The following KHDRBS2 variants were observed in gnomAD, a reference collection of about 807,000 sequenced individuals.
KHDRBS2 encodes KH domain-containing, RNA-binding, signal transduction-associated protein 2.
Under a neutral mutation model 44.3 loss-of-function variants are expected in KHDRBS2, and 26 were observed. The ratio of observed to expected loss-of-function variants is 0.59; its 90% CI spans 0.43 to 0.81. The LOEUF (loss-of-function observed/expected upper bound fraction) is 0.81, where lower values mean the gene tolerates loss of function less well. KHDRBS2 is among the 40% of genes least tolerant of loss of function. KHDRBS2 has a pLI of 0.00. For missense variants in KHDRBS2, 476 were observed against 433.1 expected (o/e 1.10, Z -0.88); for synonymous variants, 194 against 151.1 (o/e 1.28, Z -2.08).
At chr6:62,158,512 C>T (rs208993) in intron 2 of KHDRBS2, among the ~76,000 whole-genome samples, 26,067 of 151,876 alleles carry the variant, frequency 0.17, 2,549 homozygotes, top group African/African-American at 0.27. Flanking sequence ...TTTTATTTTC[C>T]CATTATATTA....
intron 8 of KHDRBS2, among the ~76,000 whole-genome samples, chr6:61,682,099 G>A (rs1376169833): frequency 1.3e-5 from 2 of 151,884 alleles, no homozygotes; most frequent in Non-Finnish European, 2.9e-5. Context: ...TGCAGATTGA[G>A]GGCAACTAAT....
At chr6:61,838,976 C>T (rs1283820885) in intron 6 of KHDRBS2, among the ~76,000 whole-genome samples, 1 of 152,006 alleles carries the variant, frequency 6.6e-6, no homozygotes, top group African/African-American at 2.4e-5. Flanking sequence ...TCATTACTCA[C>T]CACTCTCCTC....
At chr6:61,665,172 T>G in the KHDRBS2 span, among the ~76,000 whole-genome samples, 1 of 151,544 alleles carries the variant, frequency 6.6e-6, no homozygotes, top group East Asian at 1.9e-4. Context: ...GTTTCTCCAG[T>G]TATTTTATAG....
At chr6:62,236,619 T>G (rs1173952615) in intron 1 of KHDRBS2, among the ~76,000 whole-genome samples, 1 of 152,072 alleles carries the variant, frequency 6.6e-6, no homozygotes, top group African/African-American at 2.4e-5. Flanking sequence ...TCACATTAGC[T>G]TTTGTTCTCT....
chr6:61,822,389 T>C (rs1040003318), intron 6 of KHDRBS2, among the ~76,000 whole-genome samples: 3 of 152,004 alleles, frequency 2.0e-5, no homozygotes, highest in African/African-American at 7.2e-5. Context: ...CTTTATTCTC[T>C]AAATATTTCA....
chr6:62,102,568 T>G (rs1278900759), intron 2 of KHDRBS2, among the ~76,000 whole-genome samples: 3 of 152,210 alleles, frequency 2.0e-5, no homozygotes, highest in Non-Finnish European at 4.4e-5. Context: ...AAATGTGTGT[T>G]TCGGCCCGTT....
At chr6:61,852,689 A>C (rs151021792) in intron 6 of KHDRBS2, among the ~76,000 whole-genome samples, 1,644 of 152,280 alleles carry the variant, frequency 0.011, 26 homozygotes, top group African/African-American at 0.037. Flanking sequence ...AGGATTTATA[A>C]GGCTATCTTT....
At chr6:61,964,054 T>C (rs1394725364) in intron 4 of KHDRBS2, among the ~76,000 whole-genome samples, 1 of 152,042 alleles carries the variant, frequency 6.6e-6, no homozygotes, top group African/African-American at 2.4e-5. Context: ...TAAAGACATG[T>C]ACTTCTTTTC....
chr6:62,010,863 A>C (rs974878595), intron 3 of KHDRBS2, among the ~76,000 whole-genome samples: 3 of 152,210 alleles, frequency 2.0e-5, no homozygotes, highest in African/African-American at 7.2e-5. Flanking sequence ...TACTTTTTAA[A>C]AATTCACCTT....
At chr6:61,662,724 G>A in the KHDRBS2 span, among the ~76,000 whole-genome samples, 1 of 151,772 alleles carries the variant, frequency 6.6e-6, no homozygotes, top group Non-Finnish European at 1.5e-5. Context: ...CAGTTAGAAT[G>A]GCGATCATTA....
intron 7 of KHDRBS2, among the ~76,000 whole-genome samples, chr6:61,706,069 A>C (rs59671219): frequency 0.032 from 4,837 of 151,850 alleles, 251 homozygotes; most frequent in African/African-American, 0.11. Context: ...GAAGTATTGG[A>C]ACTTCTGTGC....
the KHDRBS2 span, among the ~76,000 whole-genome samples, chr6:61,597,034 T>C: frequency 1.3e-5 from 2 of 152,200 alleles, no homozygotes; most frequent in Admixed American, 1.3e-4. Context: ...GATCTAAATA[T>C]CATTTTTTTG....
chr6:61,835,719 G>GTGTA (rs1792561010), intron 6 of KHDRBS2, among the ~76,000 whole-genome samples: 1 of 151,372 alleles, frequency 6.6e-6, no homozygotes, highest in African/African-American at 2.4e-5. Flanking sequence ...GCGTGTGTGT[G>GTGTA]TGTGTGTGTG....
intron 1 of KHDRBS2, among the ~76,000 whole-genome samples, chr6:62,208,913 G>A (rs558160689): frequency 2.6e-4 from 39 of 152,290 alleles, no homozygotes; most frequent in African/African-American, 9.1e-4. Flanking sequence ...TTTGTCCATA[G>A]GGGAAAAGCC....
chr6:61,833,052 A>G (rs1247231584), intron 6 of KHDRBS2, among the ~76,000 whole-genome samples: 1 of 152,214 alleles, frequency 6.6e-6, no homozygotes. Flanking sequence ...TGCACAAGTC[A>G]TAATTTAGCA....
At chr6:62,279,045 G>A (rs1313308511) in intron 1 of KHDRBS2, among the ~76,000 whole-genome samples, 1 of 152,122 alleles carries the variant, frequency 6.6e-6, no homozygotes, top group African/African-American at 2.4e-5. Context: ...AGTGAGCTGA[G>A]ATTGTGCCAC....
intron 4 of KHDRBS2, among the ~76,000 whole-genome samples, chr6:61,949,721 T>A (rs1479810902): frequency 6.6e-6 from 1 of 152,072 alleles, no homozygotes; most frequent in Non-Finnish European, 1.5e-5. Context: ...TGTGTATTTG[T>A]ATAAAAGTAT....
In KHDRBS2 at chr6:61,741,851, T is replaced by C. The variant is rs115716891; in HGVS notation, c.811-9087A>G. ...ATGAAATGTCATTCTGACTCTGTTA[T>C]ATACCCACATTTTCTGTGAAGACTT... On this transcript the variant is annotated intron_variant, in intron 6 of 8. Transcript: ENST00000281156. 8.4e-3 allele frequency among the ~76,000 whole-genome samples: 1,271 copies of C among 152,102 alleles called. 18 individuals carry two copies. The highest frequency in any genetic ancestry group is 0.029 in the African/African-American group (1,188 of 41,544).
intron 6 of KHDRBS2, among the ~76,000 whole-genome samples, chr6:61,856,924 C>A (rs1244113082): frequency 6.6e-6 from 1 of 152,042 alleles, no homozygotes. Flanking sequence ...GGGAAAAAAA[C>A]AGTTTCTTTG....
Sources: allele counts gnomAD v4.1 joint callset (sites outside exome capture counted in the v4.1 genomes callset), GRCh38; gene constraint gnomAD v4.1.1; transcripts MANE v1.5; gene names NCBI Gene and HGNC (gene_info 2026-07-23, HGNC 2026-07-21).